KCNN2: variants seen among roughly 807,000 people sequenced by gnomAD.
The protein encoded by KCNN2 is potassium calcium-activated channel subfamily N member 2, also known as small conductance calcium-activated potassium channel protein 2.
Under a neutral mutation model 55.5 loss-of-function variants are expected in KCNN2, and 24 were observed. The ratio of observed to expected loss-of-function variants is 0.43; its 90% CI spans 0.31 to 0.61. The LOEUF is 0.61. Ranked by LOEUF, KCNN2 falls within the 20% of genes least tolerant of loss-of-function variation. The pLI is 0.08. For missense variants in KCNN2, 754 were observed against 853.6 expected, an observed-to-expected ratio of 0.88 and a Z score of 1.45; for synonymous variants, 431 against 336.1, an observed-to-expected ratio of 1.28 and a Z score of -3.09.
rs941274680 is a variant in KCNN2 at position 114,294,634 on chromosome 5, A to G, written c.-184-66311A>G. 1.8e-4 allele frequency among the ~76,000 whole-genome samples: 28 copies of G among 152,242 alleles called. No individual in the cohort carries two copies. In the South Asian group the frequency reaches 3.5e-3, roughly 19 times the overall value. On this transcript the variant is annotated intron_variant, in intron 2 of 10. Coordinates refer to the KCNN2 transcript ENST00000512097. Reference sequence around the variant, plus strand: ...CCAACTATGTGGTCAGTTTTGGAATAGGTGTGGTGTGGTGCTGAAAAGAAT... The same window carrying G: ...CCAACTATGTGGTCAGTTTTGGAATGGGTGTGGTGTGGTGCTGAAAAGAAT...
At chr5:114,346,082 C>T (rs957281588) in intron 2 of KCNN2, among the ~76,000 whole-genome samples, 54 of 152,144 alleles carry the variant, frequency 3.5e-4, no homozygotes, top group African/African-American at 1.2e-3. Context: ...GTGCTCAGCC[C>T]TCAGGGAGCT....
rs553202944 is a variant in KCNN2 at position 114,482,790 on chromosome 5, A to T, written c.1891-4260A>T. ...CTAATGCAGGAACAGAAAATCAAAC[A>T]CTACATGTTCTGACTTATAAGTGAC... On this transcript the variant is annotated intron_variant, in intron 5 of 7. Transcript: ENST00000673685. 5.3e-5 allele frequency among the ~76,000 whole-genome samples: 8 copies of T among 152,234 alleles called. No homozygotes were observed. In the South Asian group the frequency reaches 1.5e-3, roughly 28 times the overall value.
At position 114,404,460 on chromosome 5, in the gene KCNN2, C is replaced by A; in HGVS notation, c.1241C>A (p.Ala414Glu). ...EIQLFMVDNG[A>E]DDWRIAMTYE... ...CAGTTGTTCATGGTGGACAATGGAG[C>A]AGATGACTGGAGAATAGCCATGACT... The change falls in exon 3 of 8, where the codon GCA (alanine) becomes GAA (glutamate). Residue 414 changes from alanine (A) to glutamate (E), a missense_variant. Ala to Glu is a moderately radical substitution (Grantham distance 107). Coordinates refer to ENST00000673685, the MANE Select transcript of KCNN2 (RefSeq NM_021614.4). The A allele has an allele frequency of 6.2e-7, 1 of 1,613,136 alleles. No homozygotes were observed. The highest frequency in any genetic ancestry group is 8.5e-7 in the Non-Finnish European group (1 of 1,179,688).
intron 2 of KCNN2, among the ~76,000 whole-genome samples, chr5:114,226,279 A>G (rs1054996440): frequency 1.3e-5 from 2 of 152,090 alleles, no homozygotes; most frequent in African/African-American, 4.8e-5. Context: ...GCATTTTTAG[A>G]ATTGATAGAT....
At position 114,232,357 on chromosome 5, in the gene KCNN2, A is replaced by G. The variant is rs945429720; in HGVS notation, c.-185+10792A>G. Among the ~76,000 whole-genome samples, 9 of 151,288 alleles carry G rather than the reference A, an allele frequency of 5.9e-5. 1 individual carries two copies. Among genetic ancestry groups the G allele is most frequent in the African/African-American group, 2.2e-4 (9 of 40,576 alleles). ...AAATTAATGGTCCATCTTAAATCATATAGTACTTTCTTCTCTACCTTTCTA... is the reference window on the plus strand; with the variant it reads ...AAATTAATGGTCCATCTTAAATCATGTAGTACTTTCTTCTCTACCTTTCTA... On this transcript the variant is annotated intron_variant, in intron 2 of 10. Transcript: ENST00000512097.
chr5:114,143,864 C>T (rs1420057294), intron 1 of KCNN2, among the ~76,000 whole-genome samples: 1 of 152,200 alleles, frequency 6.6e-6, no homozygotes, highest in Non-Finnish European at 1.5e-5. Context: ...TGAACCGTAG[C>T]AATCATAGCT....
At chr5:114,450,378 C>G (rs1258212140) in intron 3 of KCNN2, among the ~76,000 whole-genome samples, 1 of 152,154 alleles carries the variant, frequency 6.6e-6, no homozygotes, top group Non-Finnish European at 1.5e-5. Context: ...CACAGGATGC[C>G]TGGCACGCAG....
intron 5 of KCNN2, chr5:114,486,744 C>T (rs1284159808): frequency 7.7e-7 from 1 of 1,296,984 alleles, no homozygotes; most frequent in Non-Finnish European, 1.0e-6. Context: ...CGGTGGAGAA[C>T]TCAACACCCC....
chr5:114,353,552 G>C (rs1356070437), intron 2 of KCNN2, among the ~76,000 whole-genome samples: 1 of 151,650 alleles, frequency 6.6e-6, no homozygotes, highest in African/African-American at 2.4e-5. Context: ...CTCTTTTTCT[G>C]TGTGTGTGTA....
At chr5:114,412,361 C>T (rs1299339756) in intron 3 of KCNN2, among the ~76,000 whole-genome samples, 1 of 152,180 alleles carries the variant, frequency 6.6e-6, no homozygotes, top group Non-Finnish European at 1.5e-5. Context: ...TCCTCTAACA[C>T]CACATGTATT....
intron 3 of KCNN2, among the ~76,000 whole-genome samples, chr5:114,461,186 A>G (rs1761173202): frequency 6.6e-6 from 1 of 152,192 alleles, no homozygotes; most frequent in South Asian, 2.1e-4. Flanking sequence ...CACTGATCAC[A>G]TAGCATCTTC....
intron 1 of KCNN2, among the ~76,000 whole-genome samples, chr5:114,160,020 G>T (rs898163801): frequency 3.9e-5 from 6 of 152,084 alleles, no homozygotes; most frequent in East Asian, 1.9e-4. Flanking sequence ...CTGCTCTGAT[G>T]TTAGTTATTT....
chr5:114,459,349 C>T (rs1327731579), intron 3 of KCNN2, among the ~76,000 whole-genome samples: 1 of 152,194 alleles, frequency 6.6e-6, no homozygotes, highest in East Asian at 1.9e-4. Flanking sequence ...ATCATTTCTT[C>T]ATGCCTTTCT....
intron 1 of KCNN2, among the ~76,000 whole-genome samples, chr5:114,097,999 G>A (rs192557522): frequency 2.0e-5 from 3 of 152,244 alleles, no homozygotes; most frequent in Admixed American, 6.5e-5. Context: ...TTGCATGGCC[G>A]AAATTAAGGT....
intron 4 of KCNN2, among the ~76,000 whole-genome samples, chr5:114,472,570 A>T (rs1761796420): frequency 6.6e-6 from 1 of 151,960 alleles, no homozygotes; most frequent in African/African-American, 2.4e-5. Flanking sequence ...GTATATGCTG[A>T]GATAATTTAT....
At chr5:114,398,457 A>G (rs1389168792) in intron 2 of KCNN2, among the ~76,000 whole-genome samples, 1 of 148,518 alleles carries the variant, frequency 6.7e-6, no homozygotes, top group African/African-American at 2.5e-5. Flanking sequence ...GTTTGAAGTC[A>G]GGTAATGTGA....
intron 5 of KCNN2, among the ~76,000 whole-genome samples, chr5:114,483,273 C>CTTTTT (rs34472228): frequency 9.3e-6 from 1 of 108,056 alleles, no homozygotes; most frequent in African/African-American, 3.4e-5. Context: ...TTCTTTCTTT[C>CTTTTT]TTTTTTTTTT....
At chr5:114,150,959 T>G (rs1414450508) in intron 1 of KCNN2, among the ~76,000 whole-genome samples, 1 of 152,126 alleles carries the variant, frequency 6.6e-6, no homozygotes, top group Non-Finnish European at 1.5e-5. Flanking sequence ...AGGCAGAGGT[T>G]GCGGTGAGCT....
chr5:114,109,740 AGGGCACAGGT>A (rs1174313028), intron 1 of KCNN2, among the ~76,000 whole-genome samples: 1 of 152,100 alleles, frequency 6.6e-6, no homozygotes, highest in Non-Finnish European at 1.5e-5. Flanking sequence ...CAACAGAAAC[AGGGCACAGGT>A]ATGCCTCCTG....
Sources: gnomAD v4.1 joint callset for allele counts (sites outside exome capture counted in the v4.1 genomes callset) on GRCh38, gnomAD v4.1.1 for gene constraint, MANE v1.5 for transcripts, NCBI Gene and HGNC (gene_info 2026-07-23, HGNC 2026-07-21) for gene names.